The following ANKS1B variants were observed in gnomAD, a reference collection of about 807,000 sequenced individuals.
The protein encoded by ANKS1B is ankyrin repeat and sterile alpha motif domain-containing protein 1B.
A neutral mutation model predicts 148.3 loss-of-function variants in ANKS1B; 36 were observed. The observed-to-expected ratio is 0.24, with a 90% confidence interval of 0.19 to 0.32. ANKS1B has a LOEUF of 0.32. ANKS1B is among the 10% of genes least tolerant of loss of function. The probability of loss-of-function intolerance (pLI) is 1.00; values close to 1 mark genes in which losing one functional copy is unlikely to be tolerated. For synonymous variants in ANKS1B, 542 were observed against 560.8 expected (o/e 0.97, Z 0.47); for missense variants, 1,157 against 1,542.6 (o/e 0.75, Z 4.19).
intron 15 of ANKS1B, among the ~76,000 whole-genome samples, chr12:99,118,954 C>T (rs1292559267): frequency 6.6e-6 from 1 of 152,090 alleles, no homozygotes; most frequent in East Asian, 1.9e-4. Context: ...GTAACAGCAA[C>T]CAACATGCAC....
intron 17 of ANKS1B, among the ~76,000 whole-genome samples, chr12:99,000,798 C>T (rs772508696): frequency 3.9e-5 from 6 of 152,150 alleles, no homozygotes; most frequent in Non-Finnish European, 5.9e-5. Context: ...ATTCTACTCT[C>T]GCATTATGTG....
chr12:99,460,638 A>T (rs1432968270), intron 10 of ANKS1B, among the ~76,000 whole-genome samples: 1 of 152,146 alleles, frequency 6.6e-6, no homozygotes, highest in East Asian at 1.9e-4. Flanking sequence ...CAACAAACAT[A>T]TAAAAAAATG....
intron 12 of ANKS1B, among the ~76,000 whole-genome samples, chr12:99,346,273 G>T (rs2152356283): frequency 6.6e-6 from 1 of 151,244 alleles, no homozygotes; most frequent in Non-Finnish European, 1.5e-5. Flanking sequence ...GTATTTTCTT[G>T]ATAGTTACCC....
chr12:99,770,140 G>A (rs1005945601), intron 8 of ANKS1B, among the ~76,000 whole-genome samples: 1 of 152,186 alleles, frequency 6.6e-6, no homozygotes, highest in African/African-American at 2.4e-5. Context: ...TGGCAGCTAA[G>A]TCATTTTCTA....
chr12:99,616,260 T>C (rs2097958933), intron 9 of ANKS1B, among the ~76,000 whole-genome samples: 1 of 152,176 alleles, frequency 6.6e-6, no homozygotes, highest in Non-Finnish European at 1.5e-5. Flanking sequence ...AAGCTACCAT[T>C]GAATTTCTTC....
intron 10 of ANKS1B, among the ~76,000 whole-genome samples, chr12:99,450,524 T>C (rs2095714343): frequency 6.6e-6 from 1 of 152,178 alleles, no homozygotes; most frequent in African/African-American, 2.4e-5. Flanking sequence ...AACAGCTTCT[T>C]GAATGTTTTT....
chr12:99,540,987 T>C (rs1295654953), intron 9 of ANKS1B, among the ~76,000 whole-genome samples: 2 of 151,936 alleles, frequency 1.3e-5, no homozygotes, highest in African/African-American at 4.8e-5. Flanking sequence ...AAAAAGTTTA[T>C]AAGGAATACT....
intron 12 of ANKS1B, chr12:99,386,420 C>T (rs1260475240): frequency 2.0e-5 from 3 of 152,052 alleles, no homozygotes; most frequent in African/African-American, 7.2e-5. Flanking sequence ...ATACAAGATT[C>T]CCAACCTCAT....
chr12:99,928,678 G>T (rs2094536678), intron 1 of ANKS1B, among the ~76,000 whole-genome samples: 1 of 152,168 alleles, frequency 6.6e-6, no homozygotes, highest in Non-Finnish European at 1.5e-5. Context: ...GATGTGCTAA[G>T]TAGCATAATT....
chr12:98,771,521 T>A (rs2098572842), intron 25 of ANKS1B, among the ~76,000 whole-genome samples: 1 of 152,102 alleles, frequency 6.6e-6, no homozygotes, highest in Non-Finnish European at 1.5e-5. Context: ...TCACCTGGGC[T>A]AGATGGCAGT....
intron 22 of ANKS1B, among the ~76,000 whole-genome samples, chr12:98,783,535 G>T (rs1035082474): frequency 2.0e-5 from 3 of 152,190 alleles, no homozygotes; most frequent in Admixed American, 2.0e-4. Context: ...GCCTTATTTT[G>T]CTTGACAGAG....
chr12:99,349,729 T>C (rs961157472), intron 12 of ANKS1B, among the ~76,000 whole-genome samples: 5 of 151,956 alleles, frequency 3.3e-5, no homozygotes, highest in African/African-American at 7.2e-5. Flanking sequence ...ACAGTAATCA[T>C]AGGAGATTTC....
intron 14 of ANKS1B, among the ~76,000 whole-genome samples, chr12:99,185,098 C>T (rs1215345972): frequency 6.6e-6 from 1 of 152,170 alleles, no homozygotes; most frequent in African/African-American, 2.4e-5. Context: ...GGTCCAAGAG[C>T]TGCATCAGAA....
At chr12:99,901,555 C>T (rs2093601969) in intron 1 of ANKS1B, among the ~76,000 whole-genome samples, 1 of 152,170 alleles carries the variant, frequency 6.6e-6, no homozygotes, top group African/African-American at 2.4e-5. Flanking sequence ...TGCCCCCCAA[C>T]CCTCTCCAGG....
At chr12:99,893,410 CA>C (rs57828427) in intron 1 of ANKS1B, among the ~76,000 whole-genome samples, 57,767 of 102,240 alleles carry the variant, frequency 0.57, 13,351 homozygotes, top group Middle Eastern at 0.72. Context: ...GACTCCATCT[CA>C]AAAAAAAAAA....
intron 4 of ANKS1B, among the ~76,000 whole-genome samples, chr12:99,797,539 T>A (rs1044183035): frequency 2.6e-5 from 4 of 151,650 alleles, no homozygotes; most frequent in African/African-American, 9.7e-5. Context: ...TTTATTTAAA[T>A]TAATCATTTA....
At position 99,191,173 on chromosome 12, in the gene ANKS1B, G is replaced by A. The variant is rs552512668; in HGVS notation, c.2420-36778C>T. On this transcript the variant is annotated intron_variant, in intron 14 of 26. Transcript: ENST00000683438. Reference sequence around the variant, plus strand: ...ATTATCTCATGCCAGTTAGAATGGTGATCATTAAAAAGTCAGGGAACAACA... The same window carrying A: ...ATTATCTCATGCCAGTTAGAATGGTAATCATTAAAAAGTCAGGGAACAACA... 5.3e-5 allele frequency among the ~76,000 whole-genome samples: 8 copies of A among 152,238 alleles called. 1 individual carries two copies. In the South Asian group the frequency reaches 1.7e-3, roughly 32 times the overall value.
At chr12:99,039,728 T>C (rs12146836) in intron 17 of ANKS1B, among the ~76,000 whole-genome samples, 2,378 of 152,356 alleles carry the variant, frequency 0.016, 29 homozygotes, top group Non-Finnish European at 0.027. Flanking sequence ...TTAGGGTATA[T>C]GTGCACAATG....
chr12:99,599,543 T>C (rs1397960411), intron 9 of ANKS1B, among the ~76,000 whole-genome samples: 1 of 152,034 alleles, frequency 6.6e-6, no homozygotes, highest in Non-Finnish European at 1.5e-5. Context: ...GAGAGATCAG[T>C]AGAAGGCAAG....
Sources: gnomAD v4.1 joint callset for allele counts (sites outside exome capture counted in the v4.1 genomes callset) on GRCh38, gnomAD v4.1.1 for gene constraint, MANE v1.5 for transcripts, NCBI Gene and HGNC (gene_info 2026-07-23, HGNC 2026-07-21) for gene names.